Variants in MDGA2 observed in about 807,000 individuals in gnomAD.
The protein encoded by MDGA2 is MAM domain-containing glycosylphosphatidylinositol anchor protein 2.
In MDGA2, 40 loss-of-function variants were observed where a neutral mutation model predicts 117.8. That is an observed-to-expected ratio of 0.34 (90% CI 0.26 to 0.44). MDGA2 has a LOEUF of 0.44. Among genes scored for constraint, MDGA2 ranks in the 20% least tolerant of loss-of-function variants. The pLI is 1.00. For synonymous variants in MDGA2, 452 were observed against 439.0 expected, an observed-to-expected ratio of 1.03 and a Z score of -0.37; for missense variants, 1,123 against 1,250.6, an observed-to-expected ratio of 0.90 and a Z score of 1.54.
At chr14:47,336,519 G>T (rs563677422) in intron 1 of MDGA2, among the ~76,000 whole-genome samples, 1 of 151,972 alleles carries the variant, frequency 6.6e-6, no homozygotes, top group South Asian at 2.1e-4. Flanking sequence ...TAAGTAACTT[G>T]CCCTAGATCA....
intron 6 of MDGA2, among the ~76,000 whole-genome samples, chr14:47,079,798 C>A: frequency 8.0e-6 from 1 of 124,700 alleles, no homozygotes; most frequent in East Asian, 2.9e-4. Context: ...GTGGCGCAAT[C>A]TCGGCTCCCT....
intron 10 of MDGA2, among the ~76,000 whole-genome samples, chr14:46,899,095 T>A (rs776079642): frequency 6.6e-6 from 1 of 151,946 alleles, no homozygotes; most frequent in Non-Finnish European, 1.5e-5. Context: ...GGTTGGCATA[T>A]GATATTTTAC....
intron 2 of MDGA2, among the ~76,000 whole-genome samples, chr14:47,270,910 C>T (rs566525202): frequency 3.9e-5 from 6 of 152,220 alleles, no homozygotes; most frequent in South Asian, 2.1e-4. Context: ...TTCCTCTAAC[C>T]GCAATCCTGC....
chr14:47,056,045 G>A (rs1356296300), intron 7 of MDGA2, among the ~76,000 whole-genome samples: 1 of 152,046 alleles, frequency 6.6e-6, no homozygotes, highest in East Asian at 1.9e-4. Flanking sequence ...TCAAAGCTCT[G>A]TCAGGGTATT....
intron 10 of MDGA2, among the ~76,000 whole-genome samples, chr14:46,893,098 C>A (rs1882942985): frequency 6.6e-6 from 1 of 151,830 alleles, no homozygotes; most frequent in Admixed American, 6.6e-5. Flanking sequence ...TGGAAACAAC[C>A]TAAATGTCCA....
chr14:47,062,333 CA>C (rs1889915214), intron 6 of MDGA2, among the ~76,000 whole-genome samples: 2 of 152,040 alleles, frequency 1.3e-5, no homozygotes, highest in Admixed American at 1.3e-4. Flanking sequence ...GGTCTAAAGG[CA>C]GTGCTGTTTT....
chr14:47,202,893 T>C (rs1023010035), intron 3 of MDGA2, among the ~76,000 whole-genome samples: 4 of 152,078 alleles, frequency 2.6e-5, no homozygotes, highest in Admixed American at 2.0e-4. Flanking sequence ...ATAGAACTTA[T>C]ATAACACATA....
chr14:47,581,324 C>A (rs569915830), intron 1 of MDGA2, among the ~76,000 whole-genome samples: 2 of 152,080 alleles, frequency 1.3e-5, no homozygotes, highest in South Asian at 4.1e-4. Flanking sequence ...ACTCAATCCT[C>A]ATTTTCAATA....
In MDGA2 at chr14:47,591,813, CT is replaced by C. The variant is rs561773921; in HGVS notation, c.280+82703del. ...TAATAAGAGCCATATATGACAAACC[CT>C]CAGCCAATATCATATTGAATGGGCA... On this transcript the variant is annotated intron_variant, in intron 1 of 16. Transcript: ENST00000399232. 6.4e-3 allele frequency among the ~76,000 whole-genome samples: 966 copies of C among 152,120 alleles called. 9 individuals are homozygous for C. Among genetic ancestry groups the C allele is most frequent in the African/African-American group, 0.022 (923 of 41,506 alleles).
intron 3 of MDGA2, among the ~76,000 whole-genome samples, chr14:47,165,349 C>G (rs1419670478): frequency 1.3e-5 from 2 of 152,182 alleles, no homozygotes; most frequent in Non-Finnish European, 2.9e-5. Flanking sequence ...TAAAATTTCT[C>G]TATTCTTCCC....
At chr14:47,012,262 G>C (rs921029548) in intron 8 of MDGA2, among the ~76,000 whole-genome samples, 6 of 152,200 alleles carry the variant, frequency 3.9e-5, no homozygotes, top group African/African-American at 1.2e-4. Context: ...CTGTAAAATA[G>C]TCAGTTGAAT....
chr14:47,504,559 A>C (rs916914779), intron 1 of MDGA2, among the ~76,000 whole-genome samples: 3 of 152,158 alleles, frequency 2.0e-5, no homozygotes, highest in Admixed American at 6.5e-5. Context: ...TTTCTAAAAG[A>C]AGACATACAA....
intron 1 of MDGA2, among the ~76,000 whole-genome samples, chr14:47,672,902 G>A (rs1898101341): frequency 6.6e-6 from 1 of 152,150 alleles, no homozygotes; most frequent in Non-Finnish European, 1.5e-5. Flanking sequence ...ACCTCCTGTT[G>A]TCAGTCAAAC....
intron 10 of MDGA2, among the ~76,000 whole-genome samples, chr14:46,891,310 C>T (rs575178006): frequency 6.6e-6 from 1 of 151,086 alleles, no homozygotes; most frequent in Non-Finnish European, 1.5e-5. Flanking sequence ...TATAATAATT[C>T]TAGAAAAAAT....
At chr14:46,998,326 A>T (rs1425900010) in intron 8 of MDGA2, among the ~76,000 whole-genome samples, 13 of 152,056 alleles carry the variant, frequency 8.5e-5, no homozygotes, top group Non-Finnish European at 1.5e-5. Context: ...GTCTATGAAG[A>T]GTGAGGAAAC....
intron 15 of MDGA2, among the ~76,000 whole-genome samples, chr14:46,849,297 CT>C: frequency 1.3e-5 from 2 of 151,934 alleles, no homozygotes; most frequent in Non-Finnish European, 1.5e-5. Flanking sequence ...TATTTGTTTC[CT>C]TTTAATTTCC....
intron 7 of MDGA2, among the ~76,000 whole-genome samples, chr14:47,044,722 A>C (rs948514356): frequency 6.6e-6 from 1 of 152,214 alleles, no homozygotes; most frequent in Non-Finnish European, 1.5e-5. Context: ...AATGTTTACA[A>C]ATCTAGCAAT....
At chr14:47,663,359 T>C (rs1468915137) in intron 1 of MDGA2, among the ~76,000 whole-genome samples, 1 of 152,212 alleles carries the variant, frequency 6.6e-6, no homozygotes, top group African/African-American at 2.4e-5. Flanking sequence ...AAGATTGCCT[T>C]CTATGTGGTT....
At chr14:47,333,522 A>G (rs1014251051) in intron 1 of MDGA2, among the ~76,000 whole-genome samples, 1 of 151,914 alleles carries the variant, frequency 6.6e-6, no homozygotes, top group Non-Finnish European at 1.5e-5. Flanking sequence ...AGTCTTGATC[A>G]CTATAATCCA....
Sources: allele counts gnomAD v4.1 joint callset (sites outside exome capture counted in the v4.1 genomes callset), GRCh38; gene constraint gnomAD v4.1.1; transcripts MANE v1.5; gene names NCBI Gene and HGNC (gene_info 2026-07-23, HGNC 2026-07-21).